CCDC148: variants seen among roughly 807,000 people sequenced by gnomAD.
CCDC148 encodes coiled-coil domain containing 148, also known as coiled-coil domain-containing protein 148.
CCDC148 carries 89 observed loss-of-function variants against 85.7 expected under a neutral mutation model. The ratio of observed to expected loss-of-function variants is 1.04; its 90% CI spans 0.87 to 1.24. CCDC148 has a LOEUF of 1.24. Ranked by LOEUF, CCDC148 falls within the 50% of genes most tolerant of loss-of-function variation. The probability of loss-of-function intolerance (pLI) is 0.00; values close to 1 mark genes in which losing one functional copy is unlikely to be tolerated. For missense variants in CCDC148, 692 were observed against 671.7 expected, an observed-to-expected ratio of 1.03 and a Z score of -0.33; for synonymous variants, 230 against 213.9, an observed-to-expected ratio of 1.08 and a Z score of -0.66.
intron 9 of CCDC148, among the ~76,000 whole-genome samples, chr2:158,287,823 C>T (rs1237333069): frequency 2.0e-5 from 3 of 152,164 alleles, no homozygotes; most frequent in African/African-American, 7.2e-5. Context: ...AGGCAGTGCC[C>T]CAGTAGGGAC....
intron 10 of CCDC148, among the ~76,000 whole-genome samples, chr2:158,231,680 T>C (rs1260960293): frequency 6.6e-6 from 1 of 152,190 alleles, no homozygotes; most frequent in Non-Finnish European, 1.5e-5. Context: ...TTAATCTGCA[T>C]TGTTTATCTT....
intron 1 of CCDC148, among the ~76,000 whole-genome samples, chr2:158,401,963 C>T (rs1025626819): frequency 3.3e-5 from 5 of 151,988 alleles, no homozygotes; most frequent in African/African-American, 4.8e-5. Context: ...GAGAATCCCA[C>T]GAAGCATGAG....
At chr2:158,212,128 G>A (rs1405359812) in intron 11 of CCDC148, among the ~76,000 whole-genome samples, 1 of 152,114 alleles carries the variant, frequency 6.6e-6, no homozygotes, top group Non-Finnish European at 1.5e-5. Context: ...ATACAAAACA[G>A]ACAGTCCTAT....
At chr2:158,339,622 A>C (rs2356087) in intron 5 of CCDC148, among the ~76,000 whole-genome samples, 145,320 of 152,208 alleles carry the variant, frequency 0.95, 69,398 homozygotes, top group East Asian at 1. Context: ...AGCAGGAAGG[A>C]AATGTCAAAA....
chr2:158,282,055 A>G (rs2105176703), intron 9 of CCDC148, among the ~76,000 whole-genome samples: 1 of 152,054 alleles, frequency 6.6e-6, no homozygotes, highest in African/African-American at 2.4e-5. Flanking sequence ...GATGCAGAAA[A>G]GGCCTTTGAC....
intron 1 of CCDC148, among the ~76,000 whole-genome samples, chr2:158,448,051 G>C (rs1368805651): frequency 6.6e-6 from 1 of 151,812 alleles, no homozygotes; most frequent in Non-Finnish European, 1.5e-5. Context: ...ATTTTTTTCT[G>C]TATGGTGTTT....
chr2:158,396,343 G>GCATAAGCGTCCTCAAGAGATAT (rs1343214483), intron 1 of CCDC148, among the ~76,000 whole-genome samples: 1 of 152,046 alleles, frequency 6.6e-6, no homozygotes, highest in Non-Finnish European at 1.5e-5. Context: ...TAGGACATAT[G>GCATAAGCGTCCTCAAGAGATAT]TTCTCCAACA....
chr2:158,338,877 T>C lies in CCDC148; in HGVS notation c.613A>G (p.Asn205Asp), dbSNP rs1486929810. 4 of 1,607,486 alleles carry C rather than the reference T, an allele frequency of 2.5e-6. No individual in the cohort carries two copies. The African/African-American group carries it at 4.0e-5, about 16-fold the overall frequency. Reference sequence around the variant, plus strand: ...TCAATGGGCAGTTCACTAAGCGGGTTAGTCTTTTCTTCCAAAGAATGATCT... The same window carrying C: ...TCAATGGGCAGTTCACTAAGCGGGTCAGTCTTTTCTTCCAAAGAATGATCT... The part of the protein sequence containing the change: ...ILDHSLEEKT[N>D]PLSELPIELE... Residue 205 changes from asparagine (N) to aspartate (D), a missense_variant, in exon 7 of 14, where the codon AAC becomes GAC. Physicochemically the swap from Asn to Asp is conservative, Grantham distance 23. Transcript: ENST00000283233.
chr2:158,427,633 G>A (rs1346447119), intron 1 of CCDC148, among the ~76,000 whole-genome samples: 2 of 152,112 alleles, frequency 1.3e-5, no homozygotes, highest in Non-Finnish European at 2.9e-5. Flanking sequence ...ACTTTAGGGG[G>A]CTGAGGCAGG....
At chr2:158,260,415 G>T (rs192187936) in intron 9 of CCDC148, among the ~76,000 whole-genome samples, 5 of 152,000 alleles carry the variant, frequency 3.3e-5, no homozygotes, top group African/African-American at 1.2e-4. Flanking sequence ...TATTGATTGG[G>T]CAAAAGCTGG....
At chr2:158,196,850 C>T (rs1685700101) in intron 11 of CCDC148, among the ~76,000 whole-genome samples, 1 of 152,048 alleles carries the variant, frequency 6.6e-6, no homozygotes, top group Non-Finnish European at 1.5e-5. Flanking sequence ...TCTGTATGTA[C>T]TAGATAGTAG....
At chr2:158,283,114 A>C (rs2105178187) in intron 9 of CCDC148, among the ~76,000 whole-genome samples, 1 of 152,344 alleles carries the variant, frequency 6.6e-6, no homozygotes, top group Non-Finnish European at 1.5e-5. Context: ...CTCACACCTT[A>C]TACAAAAATC....
intron 1 of CCDC148, among the ~76,000 whole-genome samples, chr2:158,446,922 A>T (rs976427217): frequency 1.3e-5 from 2 of 152,166 alleles, no homozygotes; most frequent in Non-Finnish European, 2.9e-5. Flanking sequence ...AGGTTTATCC[A>T]TATTGTACCA....
chr2:158,346,276 G>A (rs900385110), intron 2 of CCDC148, among the ~76,000 whole-genome samples: 2 of 152,162 alleles, frequency 1.3e-5, no homozygotes, highest in Non-Finnish European at 2.9e-5. Context: ...GAAAGGAGAA[G>A]CCAAAGGATT....
chr2:158,423,778 C>A (rs1026222701), intron 1 of CCDC148, among the ~76,000 whole-genome samples: 3 of 152,152 alleles, frequency 2.0e-5, no homozygotes, highest in African/African-American at 7.2e-5. Flanking sequence ...AGTGAACAGG[C>A]AACCTACAGA....
chr2:158,193,288 A>G (rs550609029), intron 11 of CCDC148, among the ~76,000 whole-genome samples: 4 of 152,248 alleles, frequency 2.6e-5, no homozygotes, highest in Admixed American at 6.5e-5. Flanking sequence ...TTCTATGCAT[A>G]AAAGTGTTGA....
intron 9 of CCDC148, among the ~76,000 whole-genome samples, chr2:158,272,865 C>T (rs983767647): frequency 2.0e-5 from 3 of 152,150 alleles, no homozygotes; most frequent in Non-Finnish European, 4.4e-5. Context: ...TTGTGATAAG[C>T]AGGTGAGGTG....
intron 1 of CCDC148, among the ~76,000 whole-genome samples, chr2:158,374,650 A>G (rs1484514486): frequency 1.4e-5 from 2 of 143,350 alleles, no homozygotes; most frequent in African/African-American, 2.9e-5. Flanking sequence ...GCATTTTTAC[A>G]GTGATTTTAT....
intron 2 of CCDC148, among the ~76,000 whole-genome samples, chr2:158,345,993 A>C (rs1031748792): frequency 6.6e-6 from 1 of 152,366 alleles, no homozygotes. Flanking sequence ...TACTTAAAGA[A>C]ATATGAAAAA....
Sources: gnomAD v4.1 joint callset for allele counts (sites outside exome capture counted in the v4.1 genomes callset) on GRCh38, gnomAD v4.1.1 for gene constraint, MANE v1.5 for transcripts, NCBI Gene and HGNC (gene_info 2026-07-23, HGNC 2026-07-21) for gene names.